C6orf163: variants seen among roughly 807,000 people sequenced by gnomAD.
The protein encoded by C6orf163 is uncharacterized protein C6orf163.
C6orf163 carries 22 observed loss-of-function variants against 28.4 expected under a neutral mutation model. The ratio of observed to expected loss-of-function variants is 0.78; its 90% CI spans 0.55 to 1.11. The LOEUF is 1.11. C6orf163 is among the 50% of genes least tolerant of loss of function. C6orf163 has a pLI of 0.00. For missense variants in C6orf163, 342 were observed against 389.1 expected (o/e 0.88, Z 1.02); for synonymous variants, 110 against 123.6 (o/e 0.89, Z 0.73).
intron 4 of C6orf163, among the ~76,000 whole-genome samples, chr6:87,363,130 C>T (rs77153290): frequency 1.8e-3 from 280 of 152,252 alleles, no homozygotes; most frequent in African/African-American, 6.4e-3. Context: ...TTAATGTATG[C>T]ATAGAATGCT....
At chr6:87,353,550 T>C (rs1777453043) in intron 3 of C6orf163, among the ~76,000 whole-genome samples, 1 of 152,164 alleles carries the variant, frequency 6.6e-6, no homozygotes, top group Non-Finnish European at 1.5e-5. Flanking sequence ...CAATAGATGT[T>C]TGCAAGAGTT....
At chr6:87,358,336 G>A (rs897069736) in intron 4 of C6orf163, 11 of 151,902 alleles carry the variant, frequency 7.2e-5, no homozygotes, top group African/African-American at 1.9e-4. Flanking sequence ...GTCCAGGGGC[G>A]GTGGTTCACG....
intron 3 of C6orf163, among the ~76,000 whole-genome samples, chr6:87,352,197 G>A (rs1306853762): frequency 1.1e-4 from 16 of 152,184 alleles, no homozygotes. Flanking sequence ...TAAGAGTAGT[G>A]TGGGGTTATT....
Position 87,365,404 on chromosome 6 carries a change from C to T in C6orf163, c.*8C>T, listed in dbSNP as rs9353482. 162,842 of 1,469,034 alleles carry T rather than the reference C, an allele frequency of 0.11. 9,376 individuals carry two copies. The highest frequency in any genetic ancestry group is 0.12 in the South Asian group (8,744 of 75,734). The allele number at this position is 1,469,034 out of a possible 1,614,324, so 91.0% of individuals were successfully genotyped here. A position where few individuals can be genotyped will look rare whatever the true frequency, so the allele number is the denominator to read the frequency against. On this transcript the variant is annotated 3_prime_UTR_variant, in exon 5 of 5. Coordinates refer to ENST00000388923, the MANE Select transcript of C6orf163 (RefSeq NM_001010868.3). ...AAAACAACTCTTGATTAGAAGTCTT[C>T]AGTTGAAATTCCACTACAAAAGACA...
rs565892854 is a variant in C6orf163, at chr6:87,350,492, A to G, written c.342A>G (p.Lys114=). The G allele has an allele frequency of 2.0e-5, 30 of 1,519,976 alleles. No individual in the cohort carries two copies. Among genetic ancestry groups the G allele is most frequent in the East Asian group, 7.3e-5 (3 of 40,820 alleles). 94.2% of individuals were successfully genotyped at this position (1,519,976 alleles called of 1,614,324 possible). ...EIQILKEEHQ[K]DLQEVTAKTK... Reference sequence around the variant, plus strand: ...AGATTTTGAAAGAGGAACATCAGAAAGATTTACAGGTTTTTATAGTGGCTT... The same window carrying G: ...AGATTTTGAAAGAGGAACATCAGAAGGATTTACAGGTTTTTATAGTGGCTT... The change falls in exon 3 of 5, where the codon AAA becomes AAG. Residue 114 remains lysine, a synonymous_variant. Transcript: ENST00000388923.
rs766097889 is a variant in C6orf163, at chr6:87,345,159, T to C, written c.60T>C (p.Ile20=). The C allele has an allele frequency of 1.3e-6, 2 of 1,536,492 alleles. No individual in the cohort carries two copies. The highest frequency in any genetic ancestry group is 1.7e-6 in the Non-Finnish European group (2 of 1,146,642). ...GCTGTGCTGTTTGTAATAAAATAAT[T>C]CCACCAGCCCCTTTTGGAAAAACCT... ...FVCCAVCNKI[I]PPAPFGKTFK... The change falls in exon 1 of 5, where the codon ATT becomes ATC. Residue 20 remains isoleucine, a synonymous_variant. Transcript: ENST00000388923.
intron 4 of C6orf163, among the ~76,000 whole-genome samples, chr6:87,362,694 G>A (rs962202026): frequency 3.9e-5 from 6 of 152,126 alleles, no homozygotes; most frequent in Non-Finnish European, 8.8e-5. Context: ...TTTACTTCAA[G>A]ACTAGGGAAG....
Position 87,354,707 on chromosome 6 carries a change from G to A in C6orf163, c.352-1594G>A, listed in dbSNP as rs151337876. Among the ~76,000 whole-genome samples, 423 of 152,300 alleles carry A rather than the reference G, an allele frequency of 2.8e-3. 4 individuals are homozygous for A. The highest frequency in any genetic ancestry group is 8.4e-3 in the African/African-American group (348 of 41,576). On this transcript the variant is annotated intron_variant, in intron 3 of 4. Transcript: ENST00000388923. ...TTCTTAAAGTTGATTTCTAGTGTCT[G>A]TTTCATTTTTTAACTTTTCACCCTT... is the stretch of plus-strand genomic sequence containing the variant.
Position 87,347,201 on chromosome 6 carries a change from A to C in C6orf163, c.149-1611A>C, listed in dbSNP as rs150238815. The C allele has an allele frequency of 3.4e-3, 541 of 159,590 alleles. 2 individuals carry two copies. The highest frequency in any genetic ancestry group is 0.012 in the African/African-American group (520 of 41,670). The allele number at this position is 159,590 out of a possible 1,614,324, so 9.9% of individuals were successfully genotyped here. A position where few individuals can be genotyped will look rare whatever the true frequency, so the allele number is the denominator to read the frequency against. ...CTATAATTTTATCACTGAGAATGCT[A>C]TCTAAAGAATCATAGATTATGTAAC... On this transcript the variant is annotated intron_variant, in intron 1 of 4. Transcript: ENST00000388923.
At position 87,353,455 on chromosome 6, in the gene C6orf163, A is replaced by C. The variant is rs78984413; in HGVS notation, c.352-2846A>C. 1.4e-3 allele frequency among the ~76,000 whole-genome samples: 207 copies of C among 150,866 alleles called. 1 individual carries two copies. The highest frequency in any genetic ancestry group is 4.6e-3 in the African/African-American group (191 of 41,416). On this transcript the variant is annotated intron_variant, in intron 3 of 4. Transcript: ENST00000388923. The stretch of plus-strand genomic sequence containing the variant: ...AAAAATTGAAAATTAAAAAAAAAAA[A>C]CAAACACAATCACTTTGTGCCAAAA...
chr6:87,351,430 C>T (rs923745488), intron 3 of C6orf163, among the ~76,000 whole-genome samples: 3 of 152,178 alleles, frequency 2.0e-5, no homozygotes, highest in Non-Finnish European at 4.4e-5. Context: ...GAGATAAAAT[C>T]AACTGTCTTT....
chr6:87,350,330 T>C (rs960225264), intron 2 of C6orf163, 64 bp from the exon 3 acceptor site: 56 of 1,032,942 alleles, frequency 5.4e-5, no homozygotes, highest in Non-Finnish European at 7.0e-5. Flanking sequence ...ACATCCTAAA[T>C]AAGCCAAGTT....
chr6:87,359,328 A>G (rs1777549639), intron 4 of C6orf163: 1 of 152,254 alleles, frequency 6.6e-6, no homozygotes, highest in South Asian at 2.1e-4. Context: ...AGTATGATGT[A>G]TAATGAGGCA....
chr6:87,347,430 A>G (rs1166857217), intron 1 of C6orf163: 37 of 985,240 alleles, frequency 3.8e-5, no homozygotes, highest in Admixed American at 6.1e-5. Flanking sequence ...CACTTGTATC[A>G]CATTTTTATG....
At position 87,348,204 on chromosome 6, in the gene C6orf163, C is replaced by T. The variant is rs7752624; in HGVS notation, c.149-608C>T. 250 of 983,210 alleles carry T rather than the reference C, an allele frequency of 2.5e-4. No homozygotes were observed. In the African/African-American group the frequency reaches 3.6e-3, roughly 14 times the overall value. 60.9% of individuals were successfully genotyped at this position (983,210 alleles called of 1,614,324 possible). The stretch of plus-strand genomic sequence containing the variant: ...AAAAAGACCTGGCTGTCTGATATTG[C>T]GTGGTCCTCTAGCCTCTCTAGACTT... On this transcript the variant is annotated intron_variant, in intron 1 of 4. Coordinates refer to ENST00000388923, the MANE Select transcript of C6orf163 (RefSeq NM_001010868.3).
chr6:87,361,306 G>A (rs1777577877), intron 4 of C6orf163, among the ~76,000 whole-genome samples: 1 of 151,972 alleles, frequency 6.6e-6, no homozygotes, highest in South Asian at 2.1e-4. Context: ...AAAGAAGAAA[G>A]AAAAGTTGGA....
chr6:87,358,646 T>C (rs956260866), intron 4 of C6orf163: 4 of 152,200 alleles, frequency 2.6e-5, no homozygotes, highest in African/African-American at 9.7e-5. Context: ...CTAATTGTTT[T>C]CTAGCCCAAG....
intron 1 of C6orf163, among the ~76,000 whole-genome samples, chr6:87,346,233 A>G (rs144557974): frequency 1.6e-3 from 238 of 152,232 alleles, no homozygotes; most frequent in African/African-American, 5.4e-3. Flanking sequence ...TTCACTCCTG[A>G]TATTTGAAAA....
At chr6:87,364,563 G>A (rs1049652307) in intron 4 of C6orf163, among the ~76,000 whole-genome samples, 16 of 152,078 alleles carry the variant, frequency 1.1e-4, no homozygotes, top group African/African-American at 3.6e-4. Flanking sequence ...TGAGTATAAG[G>A]ATTTTTCATC....
Sources: gnomAD v4.1 joint callset for allele counts (sites outside exome capture counted in the v4.1 genomes callset) on GRCh38, gnomAD v4.1.1 for gene constraint, MANE v1.5 for transcripts, NCBI Gene and HGNC (gene_info 2026-07-23, HGNC 2026-07-21) for gene names.